The following TCF12 variants were observed in gnomAD, a reference collection of about 807,000 sequenced individuals.
TCF12 encodes the protein transcription factor 12.
TCF12 carries 45 observed loss-of-function variants against 86.0 expected under a neutral mutation model. The observed-to-expected ratio is 0.52, with a 90% CI of 0.41 to 0.67. TCF12 has a LOEUF of 0.67. TCF12 is among the 30% of genes least tolerant of loss of function. The pLI, the probability that TCF12 is intolerant of heterozygous loss-of-function variation, is 0.00. For synonymous variants in TCF12, 330 were observed against 299.6 expected, an observed-to-expected ratio of 1.10 and a Z score of -1.05; for missense variants, 881 against 859.9, an observed-to-expected ratio of 1.02 and a Z score of -0.31.
intron 5 of TCF12, among the ~76,000 whole-genome samples, chr15:57,096,000 A>G (rs953887922): frequency 6.6e-6 from 1 of 152,180 alleles, no homozygotes. Flanking sequence ...TGTAGAACTC[A>G]TATCTCCTGA....
chr15:57,288,419 A>G lies in TCF12; in HGVS notation c.*2274A>G, dbSNP rs1418186365. On this transcript the variant is annotated 3_prime_UTR_variant, in exon 21 of 21. Transcript: ENST00000333725. Reference sequence around the variant, plus strand: ...TGATAAACCTTTTCAACCAGCAGCAAGAAGTTCAAATTTTTTTCTGTCACT... The same window carrying G: ...TGATAAACCTTTTCAACCAGCAGCAGGAAGTTCAAATTTTTTTCTGTCACT... The G allele has an allele frequency of 6.6e-6, 1 of 152,650 alleles. No individual in the cohort carries two copies. The highest frequency in any genetic ancestry group is 6.5e-5 in the Admixed American group (1 of 15,280). 9.5% of individuals were successfully genotyped at this position (152,650 alleles called of 1,614,324 possible). A position where few individuals can be genotyped will look rare whatever the true frequency, so the allele number is the denominator to read the frequency against.
Position 57,119,492 on chromosome 15 carries a change from A to G in TCF12, c.325+27601A>G, listed in dbSNP as rs142119098. Among the ~76,000 whole-genome samples, 802 of 146,756 alleles carry G rather than the reference A, an allele frequency of 5.5e-3. 8 individuals are homozygous for G. Among genetic ancestry groups the G allele is most frequent in the African/African-American group, 0.02 (768 of 39,314 alleles). ...TTTAAGTATCTTCTTCATACTAGAT[A>G]CGATACTGTATGCTATTTTTGAGAC... On this transcript the variant is annotated intron_variant, in intron 5 of 20. Transcript: ENST00000333725.
chr15:56,944,374 G>A (rs925796961), intron 3 of TCF12, among the ~76,000 whole-genome samples: 1 of 152,106 alleles, frequency 6.6e-6, no homozygotes, highest in African/African-American at 2.4e-5. Flanking sequence ...ATTTTCAGCC[G>A]AGAGCAAGAT....
chr15:56,948,209 C>T (rs942898118), intron 3 of TCF12, among the ~76,000 whole-genome samples: 1 of 151,930 alleles, frequency 6.6e-6, no homozygotes, highest in African/African-American at 2.4e-5. Flanking sequence ...GCAGCCTTGA[C>T]CTCCTGGGCT....
chr15:57,144,715 C>T (rs1479745022), intron 5 of TCF12, among the ~76,000 whole-genome samples: 1 of 152,218 alleles, frequency 6.6e-6, no homozygotes, highest in East Asian at 1.9e-4. Flanking sequence ...CCTCCCACCT[C>T]AGTCTCCCAA....
chr15:57,211,743 C>G (rs2058108777), intron 8 of TCF12, among the ~76,000 whole-genome samples: 1 of 152,174 alleles, frequency 6.6e-6, no homozygotes, highest in South Asian at 2.1e-4. Context: ...CGCTTGAGGC[C>G]AGGAGTTCAA....
At chr15:56,971,213 C>G (rs1300480887) in intron 3 of TCF12, among the ~76,000 whole-genome samples, 1 of 151,740 alleles carries the variant, frequency 6.6e-6, no homozygotes, top group African/African-American at 2.4e-5. Context: ...CACTTGAAGT[C>G]AGGAGTTCAA....
chr15:57,233,452 A>G (rs1175705871), intron 11 of TCF12, among the ~76,000 whole-genome samples: 2 of 152,108 alleles, frequency 1.3e-5, no homozygotes, highest in Non-Finnish European at 2.9e-5. Context: ...TGCTAGCATT[A>G]TAGACATGAC....
intron 5 of TCF12, among the ~76,000 whole-genome samples, chr15:57,158,862 G>A (rs1384239917): frequency 6.6e-6 from 1 of 152,190 alleles, no homozygotes; most frequent in African/African-American, 2.4e-5. Flanking sequence ...GTGCCTGTTG[G>A]CACTAGATAT....
chr15:57,105,470 G>T (rs1241691134), intron 5 of TCF12, among the ~76,000 whole-genome samples: 1 of 151,940 alleles, frequency 6.6e-6, no homozygotes, highest in African/African-American at 2.4e-5. Flanking sequence ...GACTGCAGTG[G>T]TGTGCATGAT....
chr15:56,925,240 G>GCCCCCCCCCCCCCCCCCCCCCCCCCCC (rs11465192), intron 3 of TCF12, among the ~76,000 whole-genome samples: 6 of 136,250 alleles, frequency 4.4e-5, no homozygotes, highest in Admixed American at 7.5e-5. Context: ...GGTGTCCACC[G>GCCCCCCCCCCCCCCCCCCCCCCCCCCC]CCCCCCCACC....
chr15:57,257,504 A>AT (rs1265303349), intron 16 of TCF12, among the ~76,000 whole-genome samples: 13 of 152,016 alleles, frequency 8.6e-5, no homozygotes, highest in African/African-American at 2.9e-4. Context: ...CAAAAAAAAA[A>AT]TTTTTAATTA....
At position 56,984,014 on chromosome 15, in the gene TCF12, A is replaced by AAAAAAAAAAAAAAAAAAAAAAAAAAAAG. The variant is rs777234282; in HGVS notation, c.148+62918_148+62919insAAAAAAAAAAAAAAAAAAAAAAAAAGAA. Among the ~76,000 whole-genome samples the AAAAAAAAAAAAAAAAAAAAAAAAAAAAG allele has an allele frequency of 3.2e-3, 331 of 104,192 alleles. 20 individuals are homozygous for AAAAAAAAAAAAAAAAAAAAAAAAAAAAG. Among genetic ancestry groups the AAAAAAAAAAAAAAAAAAAAAAAAAAAAG allele is most frequent in the East Asian group, 8.6e-3 (25 of 2,892 alleles). The allele number at this position is 104,192 out of a possible 152,430, so 68.4% of individuals were successfully genotyped here. A position where few individuals can be genotyped will look rare whatever the true frequency, so the allele number is the denominator to read the frequency against. On this transcript the variant is annotated intron_variant, in intron 3 of 20. Transcript: ENST00000333725. ...GAGACCCTGTCTCAAAAAAAAAAAA[A>AAAAAAAAAAAAAAAAAAAAAAAAAAAAG]AAGAAGAAGAAGAATTTTGGATCAA...
In TCF12 at chr15:57,263,251, G is replaced by A. The variant is rs761112869; in HGVS notation, c.1722G>A (p.Lys574=). ...SDDESSQKDI[K]VSSRGRTSST... is the part of the protein sequence containing the mutation. Reference sequence around the variant, plus strand: ...ATGAATCCTCCCAAAAAGATATCAAGGTTTCATCTAGAGGCAGAACAAGGT... The same window carrying A: ...ATGAATCCTCCCAAAAAGATATCAAAGTTTCATCTAGAGGCAGAACAAGGT... Residue 574 remains lysine (K), a synonymous_variant, in exon 18 of 21, where the codon AAG becomes AAA. Transcript: ENST00000333725. 6.2e-7 allele frequency: 1 copy of A among 1,610,538 alleles called. No individual in the cohort carries two copies. The highest frequency in any genetic ancestry group is 8.5e-7 in the Non-Finnish European group (1 of 1,179,184).
intron 4 of TCF12, among the ~76,000 whole-genome samples, chr15:57,084,205 A>G (rs1449250481): frequency 6.6e-6 from 1 of 152,230 alleles, no homozygotes; most frequent in Non-Finnish European, 1.5e-5. Flanking sequence ...CTGTTGATTT[A>G]TAGTAGTAGA....
intron 8 of TCF12, among the ~76,000 whole-genome samples, chr15:57,217,077 C>T (rs2058362710): frequency 6.6e-6 from 1 of 151,898 alleles, no homozygotes; most frequent in Admixed American, 6.6e-5. Context: ...TTTGTATTGG[C>T]AGGGGAGGTC....
intron 4 of TCF12, among the ~76,000 whole-genome samples, chr15:57,084,446 C>G (rs1450836725): frequency 6.6e-6 from 1 of 152,192 alleles, no homozygotes; most frequent in South Asian, 2.1e-4. Flanking sequence ...TACAATGTAC[C>G]GGGTCCTGTG....
rs200990032 is a variant in TCF12, at chr15:57,284,206, GT to G, written c.*11+1611del. Among the ~76,000 whole-genome samples the G allele has an allele frequency of 5.1e-3, 770 of 151,756 alleles. 14 individuals are homozygous for G. Among genetic ancestry groups the G allele is most frequent in the East Asian group, 0.039 (202 of 5,158 alleles). On this transcript the variant is annotated intron_variant, in intron 20 of 20. Coordinates refer to ENST00000333725, the MANE Select transcript of TCF12 (RefSeq NM_207037.2). ...CTGGGATTTTTTTGTTGTTGTTGTT[GT>G]TTGTTTGTTTGTTTTGAGATGGAGT...
chr15:57,126,974 T>TTTTTCTTTTC (rs1433625283), intron 5 of TCF12, among the ~76,000 whole-genome samples: 1 of 146,060 alleles, frequency 6.8e-6, no homozygotes, highest in Non-Finnish European at 1.5e-5. Context: ...TTGTACTTTT[T>TTTTTCTTTTC]TTTTCTTTTC....
Sources: allele counts gnomAD v4.1 joint callset (sites outside exome capture counted in the v4.1 genomes callset), GRCh38; gene constraint gnomAD v4.1.1; transcripts MANE v1.5; gene names NCBI Gene and HGNC (gene_info 2026-07-23, HGNC 2026-07-21).